The following TCAIM variants were observed in gnomAD, a reference collection of about 807,000 sequenced individuals.
TCAIM encodes T cell activation inhibitor, mitochondrial, also known as T-cell activation inhibitor, mitochondrial.
In TCAIM, 36 loss-of-function variants were observed where a neutral mutation model predicts 58.6. The observed-to-expected ratio is 0.61, with a 90% CI of 0.47 to 0.81. The LOEUF (loss-of-function observed/expected upper bound fraction) is 0.81. Ranked by LOEUF, TCAIM falls within the 30% of genes least tolerant of loss-of-function variation. TCAIM has a pLI of 0.00. For missense variants in TCAIM, 466 were observed against 579.6 expected (o/e 0.80, Z 2.01); for synonymous variants, 172 against 193.6 (o/e 0.89, Z 0.93).
chr3:44,400,644 T>A, intron 9 of TCAIM, 57 bp downstream of exon 9: 2 of 1,395,530 alleles, frequency 1.4e-6, no homozygotes, highest in Non-Finnish European at 2.0e-6. Context: ...GGGTTGTGTG[T>A]GTAAATGCAT....
intron 3 of TCAIM, chr3:44,358,738 A>G: frequency 1.0e-6 from 1 of 985,870 alleles, no homozygotes; most frequent in Non-Finnish European, 1.2e-6. Flanking sequence ...ATGTATTACA[A>G]AGCCACATGC....
chr3:44,406,984 G>A (rs902196658), intron 10 of TCAIM, among the ~76,000 whole-genome samples: 3 of 152,300 alleles, frequency 2.0e-5, no homozygotes, highest in South Asian at 2.1e-4. Context: ...GAGTAAGAGT[G>A]AAGAGAACCT....
intron 5 of TCAIM, among the ~76,000 whole-genome samples, chr3:44,375,303 G>GTTC (rs1243070841): frequency 2.0e-5 from 3 of 152,132 alleles, no homozygotes; most frequent in African/African-American, 4.8e-5. Context: ...GGTTCTGCAG[G>GTTC]CTGTACAAGA....
Position 44,407,768 on chromosome 3 carries a change from T to C in TCAIM, c.*86T>C. 1 of 1,324,072 alleles carries C rather than the reference T, an allele frequency of 7.6e-7. No homozygotes were observed. Among genetic ancestry groups the C allele is most frequent in the Non-Finnish European group, 1.0e-6 (1 of 995,790 alleles). The allele number at this position is 1,324,072 out of a possible 1,614,324, so 82.0% of individuals were successfully genotyped here. On this transcript the variant is annotated 3_prime_UTR_variant, in exon 11 of 11. Coordinates refer to ENST00000342649, the MANE Select transcript of TCAIM (RefSeq NM_173826.4). Reference sequence around the variant, plus strand: ...AATCCACAATTTGATATAACAGTATTATTTACATAAGAACAAAGTTTCTAA... The same window carrying C: ...AATCCACAATTTGATATAACAGTATCATTTACATAAGAACAAAGTTTCTAA...
chr3:44,356,096 C>T (rs1180086342), intron 2 of TCAIM, among the ~76,000 whole-genome samples: 1 of 152,222 alleles, frequency 6.6e-6, no homozygotes, highest in Non-Finnish European at 1.5e-5. Flanking sequence ...GGTTGGTGGT[C>T]TCCAGATTGT....
At chr3:44,372,017 G>A (rs926531380) in intron 5 of TCAIM, among the ~76,000 whole-genome samples, 1 of 44,764 alleles carries the variant, frequency 2.2e-5, no homozygotes, top group Non-Finnish European at 4.9e-5. Flanking sequence ...AGAGAAGGAA[G>A]GAAGGAAGGA....
intron 5 of TCAIM, among the ~76,000 whole-genome samples, chr3:44,378,141 G>A (rs1701595650): frequency 6.6e-6 from 1 of 152,092 alleles, no homozygotes; most frequent in Non-Finnish European, 1.5e-5. Flanking sequence ...AGCACTTTGG[G>A]AGGCTGAGGT....
intron 5 of TCAIM, among the ~76,000 whole-genome samples, chr3:44,386,496 C>T (rs1701745006): frequency 6.6e-6 from 1 of 152,248 alleles, no homozygotes; most frequent in Non-Finnish European, 1.5e-5. Context: ...CTCCCTGGTG[C>T]AGCTGCAGCT....
At chr3:44,363,709 A>G (rs1701325682) in intron 4 of TCAIM, among the ~76,000 whole-genome samples, 1 of 152,222 alleles carries the variant, frequency 6.6e-6, no homozygotes, top group Admixed American at 6.5e-5. Flanking sequence ...TAAGACAAAT[A>G]GCTGTAGCCA....
At chr3:44,362,146 A>G (rs1021987842) in intron 4 of TCAIM, among the ~76,000 whole-genome samples, 5 of 152,202 alleles carry the variant, frequency 3.3e-5, no homozygotes, top group African/African-American at 4.8e-5. Context: ...TTTAGAATGA[A>G]CTTAAGACAA....
chr3:44,346,190 C>G (rs1025005115), intron 1 of TCAIM, among the ~76,000 whole-genome samples: 1 of 152,196 alleles, frequency 6.6e-6, no homozygotes, highest in East Asian at 1.9e-4. Flanking sequence ...TTACCTTTTC[C>G]GAAGATTGAG....
At chr3:44,347,078 T>C (rs1490377111) in intron 1 of TCAIM, among the ~76,000 whole-genome samples, 1 of 152,088 alleles carries the variant, frequency 6.6e-6, no homozygotes, top group African/African-American at 2.4e-5. Flanking sequence ...AAAGGAGTTG[T>C]TGTTTTGTAG....
At chr3:44,371,148 G>A (rs759474131) in intron 5 of TCAIM, among the ~76,000 whole-genome samples, 2 of 151,804 alleles carry the variant, frequency 1.3e-5, no homozygotes, top group African/African-American at 2.4e-5. Flanking sequence ...TTGACCTCAG[G>A]TGATCCGCCC....
At chr3:44,405,456 T>C (rs529337076) in intron 10 of TCAIM, among the ~76,000 whole-genome samples, 1 of 152,124 alleles carries the variant, frequency 6.6e-6, no homozygotes, top group African/African-American at 2.4e-5. Context: ...GAGGATCACT[T>C]GAGCCCTGGA....
At chr3:44,393,362 G>A (rs909840029) in intron 6 of TCAIM, among the ~76,000 whole-genome samples, 3 of 152,074 alleles carry the variant, frequency 2.0e-5, no homozygotes, top group African/African-American at 4.8e-5. Context: ...TTGGAAGGGT[G>A]AGGCAAGAGG....
rs867936986 is a variant in TCAIM, at chr3:44,379,722, G to A, written c.572+12014G>A. Among the ~76,000 whole-genome samples the A allele has an allele frequency of 3.3e-5, 5 of 152,248 alleles. No individual in the cohort carries two copies. In the South Asian group the frequency reaches 1.0e-3, roughly 32 times the overall value. ...GAACAACAGACACTGGGGATAACTA[G>A]AGCGGGGAGGGAGAGAGAGGGGAAG... On this transcript the variant is annotated intron_variant, in intron 5 of 10. Transcript: ENST00000342649.
At chr3:44,396,583 C>G in intron 7 of TCAIM, 86 bp downstream of exon 7, 1 of 1,449,854 alleles carries the variant, frequency 6.9e-7, no homozygotes, top group East Asian at 2.4e-5. Flanking sequence ...ATAACTTTAT[C>G]ACAGCTGAAC....
At chr3:44,372,587 C>CT (rs908759306) in intron 5 of TCAIM, among the ~76,000 whole-genome samples, 2,028 of 141,910 alleles carry the variant, frequency 0.014, 39 homozygotes, top group African/African-American at 0.042. Context: ...TCAAAACTTT[C>CT]TTTTTTTTTT....
In TCAIM at chr3:44,408,474, G is replaced by A. The variant is rs987702852; in HGVS notation, c.*792G>A. On this transcript the variant is annotated 3_prime_UTR_variant, in exon 11 of 11. Transcript: ENST00000342649. Reference sequence around the variant, plus strand: ...ATTGTCATAAGCAGTCTGATAACCAGTTTATTGAAACGTGTGCATTAACAG... The same window carrying A: ...ATTGTCATAAGCAGTCTGATAACCAATTTATTGAAACGTGTGCATTAACAG... 42 of 152,312 alleles carry A rather than the reference G, an allele frequency of 2.8e-4. No individual in the cohort carries two copies. The highest frequency in any genetic ancestry group is 6.8e-3 in the Middle Eastern group (2 of 294). 9.4% of individuals were successfully genotyped at this position (152,312 alleles called of 1,614,324 possible). A position where few individuals can be genotyped will look rare whatever the true frequency, so the allele number is the denominator to read the frequency against.
Sources: allele counts gnomAD v4.1 joint callset (sites outside exome capture counted in the v4.1 genomes callset), GRCh38; gene constraint gnomAD v4.1.1; transcripts MANE v1.5; gene names NCBI Gene and HGNC (gene_info 2026-07-23, HGNC 2026-07-21).